The following RBFOX1 variants were observed in gnomAD, a reference collection of about 807,000 sequenced individuals.
RBFOX1 encodes RNA binding protein fox-1 homolog 1.
RBFOX1 carries 8 observed loss-of-function variants against 57.7 expected under a neutral mutation model. The observed-to-expected ratio is 0.14, with a 90% CI of 0.08 to 0.25. The LOEUF is 0.25. Ranked by LOEUF, RBFOX1 falls within the 10% of genes least tolerant of loss-of-function variation. The pLI, the probability that RBFOX1 is intolerant of heterozygous loss-of-function variation, is 1.00. For missense variants in RBFOX1, 611 were observed against 548.5 expected, an observed-to-expected ratio of 1.11 and a Z score of -1.14; for synonymous variants, 326 against 222.4, an observed-to-expected ratio of 1.47 and a Z score of -4.15.
At chr16:6,519,196 G>T (rs942426646) in intron 2 of RBFOX1, among the ~76,000 whole-genome samples, 13 of 152,072 alleles carry the variant, frequency 8.5e-5, no homozygotes, top group Admixed American at 1.3e-4. Flanking sequence ...CTCTAAAATG[G>T]AATTGGTAAT....
At chr16:6,341,999 A>G (rs1211926928) in intron 2 of RBFOX1, among the ~76,000 whole-genome samples, 2 of 152,200 alleles carry the variant, frequency 1.3e-5, no homozygotes, top group Non-Finnish European at 2.9e-5. Flanking sequence ...TTGCAATAAA[A>G]CATAAAATAC....
At chr16:5,559,241 T>C (rs2045799008) in intron 2 of RBFOX1, among the ~76,000 whole-genome samples, 1 of 145,640 alleles carries the variant, frequency 6.9e-6, no homozygotes, top group Non-Finnish European at 1.5e-5. Context: ...GCATGGGCAA[T>C]GGCGTACCCC....
chr16:7,183,537 T>C (rs987084657), intron 4 of RBFOX1, among the ~76,000 whole-genome samples: 1 of 152,250 alleles, frequency 6.6e-6, no homozygotes, highest in Admixed American at 6.5e-5. Flanking sequence ...ACTTTGTCAA[T>C]AGTTCTGAAT....
rs1249112371 is a variant in RBFOX1, at chr16:6,381,446, C to G, written c.-64+64389C>G. 2.0e-5 allele frequency among the ~76,000 whole-genome samples: 3 copies of G among 152,124 alleles called. No individual in the cohort carries two copies. The South Asian group carries it at 6.2e-4, about 31-fold the overall frequency. ...TATGTTGGAAGTAAAATGCAACGGG[C>G]TTGATGACCTTGCAGGAAGTCAGCG... is the stretch of plus-strand genomic sequence containing the variant. On this transcript the variant is annotated intron_variant, in intron 2 of 15. Transcript: ENST00000550418.
chr16:6,763,052 T>G (rs775144941), intron 3 of RBFOX1, among the ~76,000 whole-genome samples: 1 of 152,178 alleles, frequency 6.6e-6, no homozygotes. Flanking sequence ...TGTTTATTAT[T>G]AAGGTCCTAC....
chr16:7,514,830 C>A (rs1600582304), intron 4 of RBFOX1, among the ~76,000 whole-genome samples: 2 of 152,288 alleles, frequency 1.3e-5, no homozygotes, highest in Admixed American at 1.3e-4. Flanking sequence ...TTTGCAAGAA[C>A]TAGTAGGAAT....
At chr16:6,164,481 TTTTGAGATGTAGTC>T (rs2096901664) in intron 1 of RBFOX1, among the ~76,000 whole-genome samples, 1 of 151,382 alleles carries the variant, frequency 6.6e-6, no homozygotes, top group South Asian at 2.1e-4. Context: ...TTTTTTTTTT[TTTTGAGATGTAGTC>T]TTGTTTCATT....
intron 4 of RBFOX1, among the ~76,000 whole-genome samples, chr16:7,417,295 C>T (rs2098488088): frequency 6.8e-6 from 1 of 147,826 alleles, no homozygotes; most frequent in Admixed American, 6.9e-5. Context: ...ATCACTTGAA[C>T]CTGGGAGGTG....
chr16:6,314,985 A>G (rs1456448469), intron 1 of RBFOX1, among the ~76,000 whole-genome samples: 2 of 152,192 alleles, frequency 1.3e-5, no homozygotes, highest in East Asian at 1.9e-4. Context: ...CCCGGTGAAG[A>G]TCTGTCTATC....
chr16:5,716,231 A>T (rs1037712771), intron 3 of RBFOX1, among the ~76,000 whole-genome samples: 1 of 152,208 alleles, frequency 6.6e-6, no homozygotes, highest in African/African-American at 2.4e-5. Context: ...TTTTTCCATT[A>T]AAATCAGCGG....
chr16:6,100,258 G>A (rs2096288508), intron 1 of RBFOX1, among the ~76,000 whole-genome samples: 2 of 152,062 alleles, frequency 1.3e-5, no homozygotes, highest in Non-Finnish European at 1.5e-5. Context: ...CGCCTTCTGG[G>A]TTCACGCCAT....
At chr16:6,773,122 A>T (rs1470760811) in intron 3 of RBFOX1, among the ~76,000 whole-genome samples, 1 of 96,728 alleles carries the variant, frequency 1.0e-5, no homozygotes, top group Non-Finnish European at 2.0e-5. Flanking sequence ...GTATGTGTAT[A>T]TTGGGGTGTG....
chr16:6,562,880 C>CTTTCTTTCTT (rs746999419), intron 2 of RBFOX1, among the ~76,000 whole-genome samples: 57 of 51,680 alleles, frequency 1.1e-3, no homozygotes, highest in East Asian at 1.8e-3. Flanking sequence ...TTCTTTCTTT[C>CTTTCTTTCTT]TTTTTTTTTT....
chr16:5,713,937 G>C (rs748154258), intron 3 of RBFOX1, among the ~76,000 whole-genome samples: 1 of 152,180 alleles, frequency 6.6e-6, no homozygotes, highest in Non-Finnish European at 1.5e-5. Flanking sequence ...TCTGGGAGAC[G>C]TGGGAGATGT....
intron 2 of RBFOX1, among the ~76,000 whole-genome samples, chr16:6,525,999 A>T: frequency 6.6e-6 from 1 of 152,170 alleles, no homozygotes; most frequent in East Asian, 1.9e-4. Flanking sequence ...TGACCCCAAG[A>T]TATCCAGTAT....
chr16:6,044,394 G>A (rs1392781550), intron 1 of RBFOX1, among the ~76,000 whole-genome samples: 1 of 151,464 alleles, frequency 6.6e-6, no homozygotes, highest in Non-Finnish European at 1.5e-5. Context: ...CCTGGTGTCT[G>A]TTACAACAGA....
intron 2 of RBFOX1, among the ~76,000 whole-genome samples, chr16:6,471,218 T>A (rs78000809): frequency 1.0e-3 from 154 of 152,304 alleles, no homozygotes; most frequent in African/African-American, 3.6e-3. Context: ...CTTTCTCCCC[T>A]GACTATCGAA....
At chr16:6,363,759 C>G (rs1321705673) in intron 2 of RBFOX1, among the ~76,000 whole-genome samples, 1 of 152,172 alleles carries the variant, frequency 6.6e-6, no homozygotes, top group African/African-American at 2.4e-5. Flanking sequence ...TTCACTGACA[C>G]CCAGTGACAG....
intron 2 of RBFOX1, among the ~76,000 whole-genome samples, chr16:5,480,809 C>G (rs1234425619): frequency 6.6e-6 from 1 of 152,188 alleles, no homozygotes. Flanking sequence ...TAATATGTCA[C>G]CAAGTGGATG....
Sources: allele counts gnomAD v4.1 joint callset (sites outside exome capture counted in the v4.1 genomes callset), GRCh38; gene constraint gnomAD v4.1.1; transcripts MANE v1.5; gene names NCBI Gene and HGNC (gene_info 2026-07-23, HGNC 2026-07-21).